The following CLPTM1 variants were observed in gnomAD, a reference collection of about 807,000 sequenced individuals.
The protein encoded by CLPTM1 is putative lipid scramblase CLPTM1.
CLPTM1 carries 21 observed loss-of-function variants against 77.3 expected under a neutral mutation model. The observed-to-expected ratio is 0.27, with a 90% CI of 0.19 to 0.39. The LOEUF (loss-of-function observed/expected upper bound fraction) is 0.39, where lower values mean the gene tolerates loss of function less well. CLPTM1 is among the 10% of genes least tolerant of loss of function. The probability of loss-of-function intolerance (pLI) is 1.00; values close to 1 mark genes in which losing one functional copy is unlikely to be tolerated. For missense variants in CLPTM1, 642 were observed against 921.2 expected (o/e 0.70, Z 3.92); for synonymous variants, 373 against 381.0 (o/e 0.98, Z 0.24).
At chr19:44,975,230 C>T (rs1325763828) in intron 4 of CLPTM1, among the ~76,000 whole-genome samples, 1 of 152,242 alleles carries the variant, frequency 6.6e-6, no homozygotes, top group Non-Finnish European at 1.5e-5. Context: ...GTTCTCACAC[C>T]TGCTGGGCTT....
intron 1 of CLPTM1, 33 bp from the exon 2 acceptor site, chr19:44,961,930 C>T (rs756127411): frequency 2.0e-6 from 3 of 1,472,620 alleles, no homozygotes; most frequent in East Asian, 2.4e-5. Flanking sequence ...CGTGTCCATT[C>T]TCCCTCCTTA....
chr19:44,975,559 T>C (rs934427), intron 4 of CLPTM1, among the ~76,000 whole-genome samples: 2 of 151,828 alleles, frequency 1.3e-5, no homozygotes, highest in South Asian at 2.1e-4. Flanking sequence ...TTCTGGTTTT[T>C]TTTTTTGTTT....
chr19:44,963,343 T>G (rs1658397950), intron 2 of CLPTM1, among the ~76,000 whole-genome samples: 3 of 131,602 alleles, frequency 2.3e-5, no homozygotes, highest in South Asian at 5.0e-4. Flanking sequence ...TTTTTTTTTT[T>G]GAGACGGAGT....
At chr19:44,988,268 C>T (rs1971014978) in intron 9 of CLPTM1, 95 bp downstream of exon 9, 1 of 928,682 alleles carries the variant, frequency 1.1e-6, no homozygotes, top group Non-Finnish European at 1.8e-6. Context: ...CATGTCCTCC[C>T]CCTGCCTGGG....
intron 5 of CLPTM1, among the ~76,000 whole-genome samples, chr19:44,983,680 G>A (rs1241115024): frequency 1.4e-5 from 2 of 145,446 alleles, no homozygotes; most frequent in African/African-American, 2.6e-5. Flanking sequence ...GCTTCTTTTC[G>A]GGCCAGGTGC....
At position 44,990,644 on chromosome 19, in the gene CLPTM1, G is replaced by A. The variant is rs1421898198; in HGVS notation, c.1323+59G>A. ...GCAGGGGTTGGGAGGGGGTAGTGTG[G>A]CCCAGCTGGACCCTGGAGCTGGCCC... On this transcript the variant is annotated intron_variant, in intron 10 of 13. Transcript: ENST00000337392. This position sits in a 1 kb window ranked among gnomAD's most constrained non-coding sequence, Gnocchi z 4.8. 1.9e-6 allele frequency: 3 copies of A among 1,574,070 alleles called. No homozygotes were observed. The highest frequency in any genetic ancestry group is 2.2e-5 in the East Asian group (1 of 44,548).
intron 5 of CLPTM1, among the ~76,000 whole-genome samples, chr19:44,979,927 TACCCCGTTTGACGATCACCTAATC>T (rs1970868041): frequency 6.6e-6 from 1 of 152,186 alleles, no homozygotes; most frequent in African/African-American, 2.4e-5. Context: ...CCTATTCTTG[TACCCCGTTTGACGATCACCTAATC>T]ATCCCGTTGA....
In CLPTM1 at chr19:44,991,158, T is replaced by C; in HGVS notation, c.1420-80T>C. 1.3e-6 allele frequency: 2 copies of C among 1,593,016 alleles called. No individual in the cohort carries two copies. The highest frequency in any genetic ancestry group is 1.1e-5 in the South Asian group (1 of 89,460). ...CCCCTGCCCGGCCTGCCAGACCAGG[T>C]GTGGTGGGTGAGGGCGGGGAGCAGG... On this transcript the variant is annotated intron_variant, in intron 11 of 13. Transcript: ENST00000337392. The surrounding 1 kb of genome is among the most constrained non-coding windows in gnomAD (Gnocchi z 5.4).
intron 1 of CLPTM1, among the ~76,000 whole-genome samples, chr19:44,956,461 G>A (rs1970465564): frequency 6.6e-6 from 1 of 152,194 alleles, no homozygotes; most frequent in Admixed American, 6.5e-5. Context: ...GTCAGGGACT[G>A]GGGGAGCCCA....
chr19:44,962,065 G>A lies in CLPTM1; in HGVS notation c.175G>A (p.Val59Met). The change falls in exon 2 of 14, where the codon GTG (valine) becomes ATG (methionine). Residue 59 changes from valine to methionine, a missense_variant. By Grantham distance (21) the Val-to-Met change is conservative (BLOSUM62 1). Coordinates refer to ENST00000337392, the MANE Select transcript of CLPTM1 (RefSeq NM_001294.4). ...APNAWQVIKG[V>M]LFRIFIIWAI... ...CAATGCCTGGCAGGTCATCAAAGGT[G>A]TGCTGTTTAGGTGAGCAGACGGGAC... 1 of 1,601,784 alleles carries A rather than the reference G, an allele frequency of 6.2e-7. No individual in the cohort carries two copies.
chr19:44,988,398 G>T (rs1208113257), intron 9 of CLPTM1, among the ~76,000 whole-genome samples: 1 of 152,216 alleles, frequency 6.6e-6, no homozygotes, highest in East Asian at 1.9e-4. Context: ...TGGCCCGCTG[G>T]TGGGGCAGAG....
At chr19:44,968,257 G>T (rs866852494) in intron 2 of CLPTM1, among the ~76,000 whole-genome samples, 1 of 152,220 alleles carries the variant, frequency 6.6e-6, no homozygotes, top group Middle Eastern at 3.4e-3. Flanking sequence ...GTTTTCAGGG[G>T]CCCATGAACT....
chr19:44,965,962 T>C (rs1970621935), intron 2 of CLPTM1, among the ~76,000 whole-genome samples: 2 of 152,250 alleles, frequency 1.3e-5, no homozygotes, highest in South Asian at 4.1e-4. Context: ...CTCCTATTAC[T>C]GAGGAAGAAG....
intron 5 of CLPTM1, among the ~76,000 whole-genome samples, chr19:44,980,914 T>G (rs1970885608): frequency 6.6e-6 from 1 of 151,360 alleles, no homozygotes; most frequent in African/African-American, 2.4e-5. Flanking sequence ...CTCGGCTCAC[T>G]GCAAGCTCTG....
chr19:44,960,612 AT>A (rs1481307147), intron 1 of CLPTM1, among the ~76,000 whole-genome samples: 1 of 152,176 alleles, frequency 6.6e-6, no homozygotes, highest in African/African-American at 2.4e-5. Context: ...CATTTAACAC[AT>A]GTAGCCCCTC....
In CLPTM1 at chr19:44,985,327, C is replaced by T. The variant is rs779682764; in HGVS notation, c.672+24C>T. 7 of 1,497,540 alleles carry T rather than the reference C, an allele frequency of 4.7e-6. No homozygotes were observed. In the South Asian group the frequency reaches 6.8e-5, roughly 15 times the overall value. The allele number at this position is 1,497,540 out of a possible 1,614,324, so 92.8% of individuals were successfully genotyped here. On this transcript the variant is annotated intron_variant, in intron 6 of 13. Transcript: ENST00000337392. ...AGGTAAATGGGCAGGGTTGTCAGGG[C>T]CTATAGGGACCAAGCCAGGCCATTC... is the stretch of plus-strand genomic sequence containing the variant.
At chr19:44,961,920 C>T (rs199543428) in intron 1 of CLPTM1, 43 bp from the exon 2 acceptor site, 52 of 1,366,500 alleles carry the variant, frequency 3.8e-5, no homozygotes, top group Admixed American at 6.9e-5. Flanking sequence ...AGACAGCCCC[C>T]GTGTCCATTC....
At chr19:44,966,177 C>T (rs1274903204) in intron 2 of CLPTM1, among the ~76,000 whole-genome samples, 2 of 152,130 alleles carry the variant, frequency 1.3e-5, no homozygotes, top group South Asian at 2.1e-4. Flanking sequence ...TTTGGGAGGC[C>T]GAGGTGGGTG....
At chr19:44,963,013 A>G (rs1970568417) in intron 2 of CLPTM1, among the ~76,000 whole-genome samples, 1 of 151,158 alleles carries the variant, frequency 6.6e-6, no homozygotes, top group Non-Finnish European at 1.5e-5. Context: ...CAACAGAGAA[A>G]GACTCCGTCT....
Sources: allele counts gnomAD v4.1 joint callset (sites outside exome capture counted in the v4.1 genomes callset), GRCh38; gene constraint gnomAD v4.1.1; non-coding constraint Gnocchi (gnomAD v3.1); transcripts MANE v1.5; gene names NCBI Gene and HGNC (gene_info 2026-07-23, HGNC 2026-07-21).